The following PGCKA1 variants were observed in gnomAD, a reference collection of about 807,000 sequenced individuals.
PGCKA1 encodes PDCD10 and GCKIII kinases-associated protein 1.
chr4:37,581,705 G>T, the PGCKA1 span, among the ~76,000 whole-genome samples: 1 of 152,098 alleles, frequency 6.6e-6, no homozygotes, highest in Non-Finnish European at 1.5e-5. The surrounding 1 kb of genome is among the most constrained non-coding windows in gnomAD (Gnocchi z 4.4). Flanking sequence ...GTGCTGCCTG[G>T]GTTTTGGGAC....
the PGCKA1 span, among the ~76,000 whole-genome samples, chr4:37,586,960 T>G: frequency 6.6e-6 from 1 of 152,076 alleles, no homozygotes; most frequent in East Asian, 1.9e-4. Context: ...TCTCTCCCAG[T>G]TCTAGAGACC....
At chr4:37,533,805 G>A in the PGCKA1 span, among the ~76,000 whole-genome samples, 3 of 152,280 alleles carry the variant, frequency 2.0e-5, no homozygotes, top group South Asian at 2.1e-4. Flanking sequence ...ATCTATGTTC[G>A]CAAAGTCTTT....
the PGCKA1 span, among the ~76,000 whole-genome samples, chr4:37,505,458 T>C: frequency 2.0e-5 from 3 of 152,274 alleles, no homozygotes; most frequent in South Asian, 4.2e-4. Flanking sequence ...TTGGAAGTTG[T>C]ATTAGTCCAT....
At chr4:37,461,033 C>A in the PGCKA1 span, 3 of 228,842 alleles carry the variant, frequency 1.3e-5, no homozygotes, top group South Asian at 8.8e-5. Flanking sequence ...GGAAGGGGTG[C>A]AGTTTCAGTT....
At chr4:37,554,306 T>C in the PGCKA1 span, among the ~76,000 whole-genome samples, 4 of 152,184 alleles carry the variant, frequency 2.6e-5, no homozygotes, top group African/African-American at 9.7e-5. Context: ...CATAGCAGTA[T>C]GAAAATGGAC....
At chr4:37,582,514 T>C in the PGCKA1 span, among the ~76,000 whole-genome samples, 1 of 152,272 alleles carries the variant, frequency 6.6e-6, no homozygotes, top group East Asian at 1.9e-4. Context: ...GTGCATCGGC[T>C]GTCATGTCTC....
At chr4:37,550,851 C>G in the PGCKA1 span, among the ~76,000 whole-genome samples, 1 of 152,046 alleles carries the variant, frequency 6.6e-6, no homozygotes, top group South Asian at 2.1e-4. Context: ...TCCTACAGAC[C>G]CAGTTCCTGA....
At chr4:37,566,501 G>A in the PGCKA1 span, among the ~76,000 whole-genome samples, 20 of 152,120 alleles carry the variant, frequency 1.3e-4, no homozygotes, top group South Asian at 3.3e-3. Context: ...GGCTGGTCTC[G>A]AACTCCCGAC....
the PGCKA1 span, among the ~76,000 whole-genome samples, chr4:37,541,051 C>G: frequency 3.4e-5 from 5 of 145,062 alleles, no homozygotes; most frequent in Non-Finnish European, 7.7e-5. Flanking sequence ...AGAGAAGTCC[C>G]AGGCTGGCTG....
chr4:37,545,230 C>T, the PGCKA1 span, among the ~76,000 whole-genome samples: 1 of 152,118 alleles, frequency 6.6e-6, no homozygotes, highest in Admixed American at 6.5e-5. Context: ...GGCATTCTCA[C>T]AGAAACAAGG....
At chr4:37,520,124 A>G in the PGCKA1 span, among the ~76,000 whole-genome samples, 1 of 152,188 alleles carries the variant, frequency 6.6e-6, no homozygotes, top group African/African-American at 2.4e-5. Context: ...TGTGATCATG[A>G]TGAATGATCT....
At chr4:37,545,605 TTC>T in the PGCKA1 span, among the ~76,000 whole-genome samples, 1 of 152,240 alleles carries the variant, frequency 6.6e-6, no homozygotes, top group Admixed American at 6.5e-5. Context: ...TGACTTTACT[TTC>T]TGTTTTTACC....
the PGCKA1 span, among the ~76,000 whole-genome samples, chr4:37,539,166 G>C: frequency 6.6e-6 from 1 of 152,126 alleles, no homozygotes; most frequent in Non-Finnish European, 1.5e-5. Flanking sequence ...ACCATACATG[G>C]GATTAAGGCC....
the PGCKA1 span, among the ~76,000 whole-genome samples, chr4:37,491,306 C>T: frequency 6.6e-6 from 1 of 152,124 alleles, no homozygotes; most frequent in Non-Finnish European, 1.5e-5. Context: ...GCAGTTAATT[C>T]CCATCCTCAT....
the PGCKA1 span, among the ~76,000 whole-genome samples, chr4:37,485,604 CACAA>C: frequency 6.6e-6 from 1 of 152,162 alleles, no homozygotes; most frequent in East Asian, 1.9e-4. Flanking sequence ...GTTGTAGCAG[CACAA>C]ACAAAGACAG....
chr4:37,520,354 G>T, the PGCKA1 span, among the ~76,000 whole-genome samples: 2 of 152,078 alleles, frequency 1.3e-5, no homozygotes, highest in Non-Finnish European at 2.9e-5. Context: ...TTAAACATTT[G>T]GTAGAATTAC....
the PGCKA1 span, among the ~76,000 whole-genome samples, chr4:37,487,770 ACATATATACATATGTC>A: frequency 6.4e-3 from 968 of 152,312 alleles, 21 homozygotes; most frequent in East Asian, 0.073. Flanking sequence ...TTGTATGATT[ACATATATACATATGTC>A]CTCCTTTGTG....
At chr4:37,481,092 T>C in the PGCKA1 span, among the ~76,000 whole-genome samples, 1 of 152,236 alleles carries the variant, frequency 6.6e-6, no homozygotes, top group Non-Finnish European at 1.5e-5. Context: ...ATTACCCTTT[T>C]CTTTTTCTGG....
the PGCKA1 span, among the ~76,000 whole-genome samples, chr4:37,509,932 G>C: frequency 0.51 from 74,036 of 145,738 alleles, 19,325 homozygotes; most frequent in African/African-American, 0.61. Context: ...AGCTTCGGCT[G>C]GGCATCAGAG....
Sources: gnomAD v4.1 joint callset for allele counts (sites outside exome capture counted in the v4.1 genomes callset) on GRCh38, gnomAD v4.1.1 for gene constraint, Gnocchi (gnomAD v3.1) non-coding constraint, MANE v1.5 for transcripts, NCBI Gene and HGNC (gene_info 2026-07-23, HGNC 2026-07-21) for gene names.